The following RPS6KC1 variants were observed in gnomAD, a reference collection of about 807,000 sequenced individuals.
RPS6KC1 encodes the protein ribosomal protein S6 kinase C1, also known as inactive ribosomal protein S6 kinase delta-1.
A neutral mutation model predicts 103.8 loss-of-function variants in RPS6KC1; 54 were observed. That is an observed-to-expected ratio of 0.52 (90% CI 0.42 to 0.65). RPS6KC1 has a LOEUF of 0.65. Ranked by LOEUF, RPS6KC1 falls within the 30% of genes least tolerant of loss-of-function variation. RPS6KC1 has a pLI of 0.00. For missense variants in RPS6KC1, 1,151 were observed against 1,253.8 expected, an observed-to-expected ratio of 0.92 and a Z score of 1.24; for synonymous variants, 439 against 438.7, an observed-to-expected ratio of 1.00 and a Z score of -0.01.
chr1:213,485,280 A>C, the RPS6KC1 span, among the ~76,000 whole-genome samples: 1 of 152,202 alleles, frequency 6.6e-6, no homozygotes, highest in Non-Finnish European at 1.5e-5. Flanking sequence ...CCAATGAGTG[A>C]GGAAGTTGTG....
intron 1 of RPS6KC1, among the ~76,000 whole-genome samples, chr1:213,055,125 C>T (rs1347565061): frequency 6.6e-6 from 1 of 152,126 alleles, no homozygotes; most frequent in Non-Finnish European, 1.5e-5. Flanking sequence ...TTGTAAGTGT[C>T]CAATTTGATG....
intron 14 of RPS6KC1, among the ~76,000 whole-genome samples, chr1:213,263,338 AT>A (rs1432887982): frequency 1.6e-3 from 246 of 152,340 alleles, no homozygotes; most frequent in African/African-American, 5.8e-3. Flanking sequence ...GAAAGAGACC[AT>A]TGATAATTAA....
chr1:213,329,082 G>A, the RPS6KC1 span, among the ~76,000 whole-genome samples: 1 of 152,082 alleles, frequency 6.6e-6, no homozygotes, highest in East Asian at 1.9e-4. Flanking sequence ...GTACCACTTT[G>A]ATTTTGTTTT....
At chr1:213,579,609 A>G in the RPS6KC1 span, among the ~76,000 whole-genome samples, 27 of 152,104 alleles carry the variant, frequency 1.8e-4, no homozygotes, top group Admixed American at 1.8e-3. Context: ...TTTCTTAGCT[A>G]GAGAGGAGAA....
At chr1:213,685,328 A>C in the RPS6KC1 span, among the ~76,000 whole-genome samples, 7 of 152,208 alleles carry the variant, frequency 4.6e-5, no homozygotes, top group Non-Finnish European at 2.9e-5. Context: ...CATTTTAAAA[A>C]ATCTGTAAGA....
At chr1:213,584,005 C>T in the RPS6KC1 span, among the ~76,000 whole-genome samples, 1 of 152,040 alleles carries the variant, frequency 6.6e-6, no homozygotes, top group Non-Finnish European at 1.5e-5. Flanking sequence ...CCATAATTCC[C>T]ACGTGCTGTG....
the RPS6KC1 span, among the ~76,000 whole-genome samples, chr1:213,832,910 C>T: frequency 2.6e-5 from 4 of 152,260 alleles, no homozygotes; most frequent in South Asian, 4.2e-4. Context: ...TAGACCTCCC[C>T]TTCCTGTGAA....
chr1:213,140,725 G>A (rs779515497), intron 6 of RPS6KC1, among the ~76,000 whole-genome samples: 5 of 151,906 alleles, frequency 3.3e-5, no homozygotes, highest in Non-Finnish European at 5.9e-5. Flanking sequence ...ATGTGCTGCT[G>A]GATTCCTTTT....
At chr1:213,192,633 T>A (rs2092790191) in intron 8 of RPS6KC1, among the ~76,000 whole-genome samples, 1 of 152,154 alleles carries the variant, frequency 6.6e-6, no homozygotes, top group Non-Finnish European at 1.5e-5. Flanking sequence ...TTTGTCAATC[T>A]TGTTTACCTT....
the RPS6KC1 span, among the ~76,000 whole-genome samples, chr1:213,560,136 A>G: frequency 1.3e-5 from 2 of 152,290 alleles, no homozygotes; most frequent in East Asian, 1.9e-4. Flanking sequence ...AATGGCCCCA[A>G]TGACTCCCAG....
chr1:213,769,566 C>T, the RPS6KC1 span, among the ~76,000 whole-genome samples: 7 of 151,462 alleles, frequency 4.6e-5, no homozygotes, highest in Non-Finnish European at 7.4e-5. Flanking sequence ...GACAAGGAGG[C>T]AGAATCTAAT....
chr1:213,428,419 C>CTCTCTCTCTTTCTTTCT, the RPS6KC1 span, among the ~76,000 whole-genome samples: 2 of 101,800 alleles, frequency 2.0e-5, no homozygotes, highest in East Asian at 3.4e-4. Flanking sequence ...CCCTCCCTCC[C>CTCTCTCTCTTTCTTTCT]TTCCTCTCCC....
chr1:213,796,384 G>C, the RPS6KC1 span, among the ~76,000 whole-genome samples: 2 of 152,172 alleles, frequency 1.3e-5, no homozygotes, highest in African/African-American at 4.8e-5. Context: ...CCCGGTACCA[G>C]ACACAGAAAC....
the RPS6KC1 span, among the ~76,000 whole-genome samples, chr1:213,314,370 C>T: frequency 7.2e-5 from 11 of 152,212 alleles, no homozygotes; most frequent in Admixed American, 2.6e-4. Flanking sequence ...AATCATACCC[C>T]ATCCACCCTA....
At chr1:213,238,852 T>C (rs1430643311) in intron 10 of RPS6KC1, among the ~76,000 whole-genome samples, 3 of 152,122 alleles carry the variant, frequency 2.0e-5, no homozygotes, top group African/African-American at 2.4e-5. Context: ...CTTGATCCTT[T>C]CCTCAAAGTA....
At chr1:213,562,369 T>G in the RPS6KC1 span, among the ~76,000 whole-genome samples, 8 of 10,582 alleles carry the variant, frequency 7.6e-4, no homozygotes, top group Non-Finnish European at 1.8e-3. Flanking sequence ...GTTTTTTTTT[T>G]TTTTTTTTTT....
At chr1:213,309,184 A>T in the RPS6KC1 span, among the ~76,000 whole-genome samples, 2 of 152,252 alleles carry the variant, frequency 1.3e-5, no homozygotes, top group East Asian at 3.9e-4. Flanking sequence ...AGTCCCAGCT[A>T]CTTGGGAGGC....
chr1:213,709,465 G>A, the RPS6KC1 span, among the ~76,000 whole-genome samples: 1 of 152,084 alleles, frequency 6.6e-6, no homozygotes. Context: ...ACTGGCTAGT[G>A]TTCTATCTAT....
the RPS6KC1 span, among the ~76,000 whole-genome samples, chr1:213,825,944 TG>T: frequency 6.6e-6 from 1 of 152,166 alleles, no homozygotes; most frequent in East Asian, 1.9e-4. Context: ...AATCAAAATG[TG>T]TACTTCGGGA....
Sources: gnomAD v4.1 joint callset for allele counts (sites outside exome capture counted in the v4.1 genomes callset) on GRCh38, gnomAD v4.1.1 for gene constraint, MANE v1.5 for transcripts, NCBI Gene and HGNC (gene_info 2026-07-23, HGNC 2026-07-21) for gene names.